Variants in NT5C3A observed in about 807,000 individuals in gnomAD.
NT5C3A encodes the protein 5'-nucleotidase, cytosolic IIIA.
Under a neutral mutation model 40.0 loss-of-function variants are expected in NT5C3A, and 23 were observed. That is an observed-to-expected ratio of 0.58 (90% CI 0.41 to 0.81). The LOEUF (loss-of-function observed/expected upper bound fraction) is 0.81. NT5C3A is among the 40% of genes least tolerant of loss of function. NT5C3A has a pLI of 0.00. For missense variants in NT5C3A, 328 were observed against 403.0 expected, an observed-to-expected ratio of 0.81 and a Z score of 1.59; for synonymous variants, 130 against 141.4, an observed-to-expected ratio of 0.92 and a Z score of 0.57.
intron 1 of NT5C3A, among the ~76,000 whole-genome samples, chr7:33,035,189 G>GTTTTTT (rs35769309): frequency 7.5e-5 from 8 of 106,182 alleles, no homozygotes; most frequent in Non-Finnish European, 1.1e-4. Context: ...TAAGGAATGA[G>GTTTTTT]TTTTTTTTTT....
At chr7:33,038,298 A>C (rs1251468398) in intron 1 of NT5C3A, among the ~76,000 whole-genome samples, 1 of 152,168 alleles carries the variant, frequency 6.6e-6, no homozygotes, top group Non-Finnish European at 1.5e-5. Flanking sequence ...CTAGGAATCT[A>C]AGATCTTTTT....
intron 1 of NT5C3A, among the ~76,000 whole-genome samples, chr7:33,060,246 C>A (rs181676496): frequency 2.0e-5 from 3 of 152,262 alleles, no homozygotes; most frequent in Admixed American, 2.0e-4. Context: ...AGCCACTGTA[C>A]CCTGCCAAAG....
chr7:33,026,724 G>A, intron 2 of NT5C3A, 93 bp downstream of exon 2: 1 of 843,718 alleles, frequency 1.2e-6, no homozygotes, highest in East Asian at 2.5e-5. Flanking sequence ...GAACTCCTGG[G>A]CTCAAGTGAT....
At chr7:33,037,050 T>C (rs1023729485) in intron 1 of NT5C3A, among the ~76,000 whole-genome samples, 1 of 152,152 alleles carries the variant, frequency 6.6e-6, no homozygotes, top group African/African-American at 2.4e-5. Context: ...GACCTCGTGA[T>C]CCACCCGCCT....
chr7:33,024,063 C>T lies in NT5C3A; in HGVS notation c.283G>A (p.Gly95Arg). The part of the protein sequence containing the change: ...DMTLSRFSYK[G>R]KRCPTCHNII... ...CTATGACATGTTGGGCATCTTTTCCCTTTATATGAAAATCTACTGAGTGTC... is the reference window on the plus strand; with the variant it reads ...CTATGACATGTTGGGCATCTTTTCCTTTTATATGAAAATCTACTGAGTGTC... The change falls in exon 3 of 9, where the codon GGG becomes AGG. Residue 95 changes from glycine to arginine, a missense_variant. Around this residue, in one of 3 missense-constraint regions of NT5C3A, gnomAD observed 280 missense variants for 317.2 expected, o/e 0.88. Coordinates refer to ENST00000610140, the MANE Select transcript of NT5C3A (RefSeq NM_001002010.5). 2 of 1,576,734 alleles carry T rather than the reference C, an allele frequency of 1.3e-6. No individual in the cohort carries two copies. Among genetic ancestry groups the T allele is most frequent in the Non-Finnish European group, 1.7e-6 (2 of 1,146,558 alleles).
intron 1 of NT5C3A, 28 bp from the exon 2 acceptor site, chr7:33,026,943 A>G: frequency 4.7e-6 from 7 of 1,481,062 alleles, no homozygotes; most frequent in Non-Finnish European, 6.6e-6. Context: ...TTAATTAATT[A>G]GTTTTCATTC....
intron 1 of NT5C3A, among the ~76,000 whole-genome samples, chr7:33,055,414 T>C (rs1787532515): frequency 6.6e-6 from 1 of 152,220 alleles, no homozygotes. Context: ...CCTTTCTTTC[T>C]TACTAATAAT....
In NT5C3A at chr7:33,039,573, T is replaced by TTTTTTTC. The variant is rs1263737503; in HGVS notation, c.139-12659_139-12658insGAAAAAA. On this transcript the variant is annotated intron_variant, in intron 1 of 8. Coordinates refer to ENST00000610140, the MANE Select transcript of NT5C3A (RefSeq NM_001002010.5). ...AGCTTGGGTTTTTTGTTTTTTTTTT[T>TTTTTTTC]TTTTAATGTTACTGTCTTCGGGTGA... Among the ~76,000 whole-genome samples, 3 of 147,216 alleles carry TTTTTTTC rather than the reference T, an allele frequency of 2.0e-5. No individual in the cohort carries two copies. In the East Asian group the frequency reaches 5.9e-4, roughly 29 times the overall value.
chr7:33,029,724 G>C, intron 1 of NT5C3A: 1 of 1,276,744 alleles, frequency 7.8e-7, no homozygotes, highest in Non-Finnish European at 1.0e-6. Context: ...ACTAACAAAT[G>C]TAAGATTGGT....
Position 33,062,637 on chromosome 7 carries a change from C to G in NT5C3A, c.69G>C (p.Gly23=). 6.2e-7 allele frequency: 1 copy of G among 1,602,858 alleles called. No homozygotes were observed. Among genetic ancestry groups the G allele is most frequent in the Non-Finnish European group, 8.5e-7 (1 of 1,175,658 alleles). Residue 23 remains glycine, a synonymous_variant, in exon 1 of 9, where the codon GGG becomes GGC. Transcript: ENST00000610140. The part of the protein sequence containing the change: ...ASASVCALVA[G]VVLAQYIFTL... The stretch of plus-strand genomic sequence containing the variant: ...TGAATATGTACTGAGCCAGCACCAC[C>G]CCCGCCACCAGGGCGCACACGCTGG...
At chr7:33,044,982 G>A (rs1395869253) in intron 1 of NT5C3A, among the ~76,000 whole-genome samples, 1 of 151,926 alleles carries the variant, frequency 6.6e-6, no homozygotes, top group Non-Finnish European at 1.5e-5. Flanking sequence ...CTTGTAGCAA[G>A]TATTTTTACT....
Position 33,015,710 on chromosome 7 carries a change from T to C in NT5C3A, c.854A>G (p.Asn285Ser), listed in dbSNP as rs757207292. ...GDLRMADGVANVEHILKIGYL... is the reference protein window; with the variant it reads ...GDLRMADGVASVEHILKIGYL... ...TCCAATTTTCAGAATGTGCTCAACA[T>C]TGGCCACTCCATCTGCCATTCTTAA... The change falls in exon 8 of 9, where the codon AAT becomes AGT. Residue 285 changes from asparagine to serine, a missense_variant. Around this residue, in one of 3 missense-constraint regions of NT5C3A, gnomAD observed 36 missense variants for 51.1 expected, o/e 0.70. Coordinates refer to ENST00000610140, the MANE Select transcript of NT5C3A (RefSeq NM_001002010.5). The C allele has an allele frequency of 2.8e-5, 45 of 1,611,126 alleles. No individual in the cohort carries two copies. The South Asian group carries it at 3.8e-4, about 14-fold the overall frequency.
At chr7:33,026,952 T>C in intron 1 of NT5C3A, 37 bp from the exon 2 acceptor site, 1 of 1,418,190 alleles carries the variant, frequency 7.1e-7, no homozygotes, top group Non-Finnish European at 9.9e-7. Flanking sequence ...TAGTTTTCAT[T>C]CTTCTTTCCC....
At chr7:33,050,531 G>A (rs987138543) in intron 1 of NT5C3A, among the ~76,000 whole-genome samples, 2 of 152,064 alleles carry the variant, frequency 1.3e-5, no homozygotes, top group African/African-American at 2.4e-5. Context: ...TAATGATATC[G>A]GAGATAAGGC....
intron 1 of NT5C3A, among the ~76,000 whole-genome samples, chr7:33,062,240 G>A (rs922100441): frequency 2.0e-5 from 3 of 152,188 alleles, no homozygotes; most frequent in African/African-American, 4.8e-5. Flanking sequence ...TATCTCTAGA[G>A]AAACGGGTTT....
intron 1 of NT5C3A, among the ~76,000 whole-genome samples, chr7:33,041,746 T>A (rs1168909959): frequency 1.3e-5 from 2 of 151,368 alleles, no homozygotes; most frequent in African/African-American, 4.9e-5. Flanking sequence ...AAAAAAAAAT[T>A]TTTTTTTTTA....
chr7:33,034,994 G>A (rs1439753424), intron 1 of NT5C3A, among the ~76,000 whole-genome samples: 1 of 149,884 alleles, frequency 6.7e-6, no homozygotes, highest in East Asian at 2.0e-4. Flanking sequence ...AAATAAATAT[G>A]CCAGTTACAC....
intron 6 of NT5C3A, among the ~76,000 whole-genome samples, chr7:33,018,736 G>T (rs1259443835): frequency 6.6e-6 from 1 of 151,908 alleles, no homozygotes; most frequent in African/African-American, 2.4e-5. Flanking sequence ...TGAAGTCCTG[G>T]CTAGTCAGGA....
intron 1 of NT5C3A, among the ~76,000 whole-genome samples, chr7:33,051,953 T>A (rs1008374394): frequency 6.6e-6 from 1 of 152,192 alleles, no homozygotes; most frequent in Non-Finnish European, 1.5e-5. Context: ...TCATGATATG[T>A]CAAACAATAT....
Sources: gnomAD v4.1 joint callset for allele counts (sites outside exome capture counted in the v4.1 genomes callset) on GRCh38, gnomAD v4.1.1 for gene constraint, gnomAD v4.1.1 regional missense constraint, MANE v1.5 for transcripts, NCBI Gene and HGNC (gene_info 2026-07-23, HGNC 2026-07-21) for gene names.